Variants in B4GALT6 observed in about 807,000 individuals in gnomAD.
The protein encoded by B4GALT6 is UDP-Gal:beta-GlcNAc beta-1,4-galactosyltransferase 6.
Under a neutral mutation model 46.3 loss-of-function variants are expected in B4GALT6, and 14 were observed. That is an observed-to-expected ratio of 0.30 (90% CI 0.20 to 0.47). The LOEUF (loss-of-function observed/expected upper bound fraction) is 0.47, where lower values mean the gene tolerates loss of function less well. B4GALT6 is among the 20% of genes least tolerant of loss of function. B4GALT6 has a pLI of 0.99. For missense variants in B4GALT6, 386 were observed against 480.1 expected (o/e 0.80, Z 1.83); for synonymous variants, 168 against 162.0 (o/e 1.04, Z -0.28).
At chr18:31,677,598 G>A (rs779142373) in intron 1 of B4GALT6, among the ~76,000 whole-genome samples, 7 of 152,184 alleles carry the variant, frequency 4.6e-5, no homozygotes, top group Non-Finnish European at 5.9e-5. Flanking sequence ...CACTTGAATC[G>A]ATCTTCAACC....
intron 1 of B4GALT6, among the ~76,000 whole-genome samples, chr18:31,678,652 C>T (rs182741664): frequency 0.024 from 3,540 of 150,446 alleles, 66 homozygotes; most frequent in Non-Finnish European, 0.035. Flanking sequence ...ACAAGGCTAG[C>T]CCTACTGGCA....
chr18:31,635,995 G>T (rs1468392957), intron 5 of B4GALT6, among the ~76,000 whole-genome samples: 1 of 152,174 alleles, frequency 6.6e-6, no homozygotes, highest in Non-Finnish European at 1.5e-5. Flanking sequence ...GGAACACAGA[G>T]ACCAGAAAAA....
intron 1 of B4GALT6, among the ~76,000 whole-genome samples, chr18:31,673,287 G>C (rs2074377853): frequency 2.0e-5 from 3 of 152,052 alleles, no homozygotes; most frequent in African/African-American, 7.2e-5. Flanking sequence ...AAACAAAGGA[G>C]AGTGAAAGGA....
chr18:31,716,258 G>A, the B4GALT6 span, among the ~76,000 whole-genome samples: 1 of 152,130 alleles, frequency 6.6e-6, no homozygotes, highest in African/African-American at 2.4e-5. Flanking sequence ...GAGAAGACTA[G>A]GGATCCAGAA....
rs1447604018 is a variant in B4GALT6 at position 31,674,904 on chromosome 18, A to G, written c.116-8532T>C. 5.9e-5 allele frequency among the ~76,000 whole-genome samples: 9 copies of G among 152,362 alleles called. No homozygotes were observed. In the East Asian group the frequency reaches 1.7e-3, roughly 29 times the overall value. On this transcript the variant is annotated intron_variant, in intron 1 of 8. Transcript: ENST00000306851. ...AAAGTACTATTTGACCATGGTGACA[A>G]TAATTCAAAACCATGTATGAACTCA...
rs1471203239 is a variant in B4GALT6 at position 31,625,509 on chromosome 18, G to A, written c.*105C>T. On this transcript the variant is annotated 3_prime_UTR_variant, in exon 9 of 9. Transcript: ENST00000306851. ...CACTGTGGACTGCTGGCTCTTCTCA[G>A]AGAAAAGGGCACTGTGACACAGCCA... 2 of 1,292,868 alleles carry A rather than the reference G, an allele frequency of 1.5e-6. No homozygotes were observed. Among genetic ancestry groups the A allele is most frequent in the African/African-American group, 3.0e-5 (2 of 66,570 alleles). The allele number at this position is 1,292,868 out of a possible 1,614,324, so 80.1% of individuals were successfully genotyped here. A position where few individuals can be genotyped will look rare whatever the true frequency, so the allele number is the denominator to read the frequency against.
the B4GALT6 span, among the ~76,000 whole-genome samples, chr18:31,716,597 G>A: frequency 6.6e-6 from 1 of 152,148 alleles, no homozygotes; most frequent in South Asian, 2.1e-4. Flanking sequence ...AACCATAGAC[G>A]TAGGTTCTAA....
At chr18:31,660,271 T>C (rs180976069) in intron 2 of B4GALT6, among the ~76,000 whole-genome samples, 67 of 152,282 alleles carry the variant, frequency 4.4e-4, no homozygotes, top group African/African-American at 1.5e-3. Flanking sequence ...TATATATATC[T>C]ACATATATAC....
Position 31,635,711 on chromosome 18 carries a change from G to A in B4GALT6, c.588+2933C>T, listed in dbSNP as rs186348324. Among the ~76,000 whole-genome samples the A allele has an allele frequency of 5.8e-4, 89 of 152,200 alleles. 1 individual carries two copies. Among genetic ancestry groups the A allele is most frequent in the African/African-American group, 2.0e-3 (84 of 41,526 alleles). ...TGGGTGCCTGTAATTCCAGCTACTC[G>A]AGAGGCTGAGACAGGAGAATCGCTT... On this transcript the variant is annotated intron_variant, in intron 5 of 8. Transcript: ENST00000306851.
intron 6 of B4GALT6, among the ~76,000 whole-genome samples, chr18:31,629,615 C>T (rs763996883): frequency 1.3e-5 from 2 of 149,534 alleles, no homozygotes. Flanking sequence ...TTTGGGAGGC[C>T]GAGGCGGGTG....
chr18:31,648,721 C>T (rs1598890978), intron 3 of B4GALT6, among the ~76,000 whole-genome samples: 1 of 152,180 alleles, frequency 6.6e-6, no homozygotes, highest in East Asian at 1.9e-4. Flanking sequence ...TTTACTTTTT[C>T]TATTAAAATA....
intron 3 of B4GALT6, among the ~76,000 whole-genome samples, chr18:31,647,428 T>C (rs1356688538): frequency 2.0e-5 from 3 of 152,164 alleles, no homozygotes; most frequent in Admixed American, 1.3e-4. Context: ...ACTATCCCCA[T>C]GCCTGAGGTA....
chr18:31,670,433 A>ATGAC, intron 1 of B4GALT6, among the ~76,000 whole-genome samples: 1 of 151,880 alleles, frequency 6.6e-6, no homozygotes, highest in East Asian at 1.9e-4. Flanking sequence ...CATTAGATGA[A>ATGAC]GACCAAAATT....
intron 3 of B4GALT6, among the ~76,000 whole-genome samples, chr18:31,651,811 C>T (rs1426762908): frequency 1.3e-5 from 2 of 152,122 alleles, no homozygotes; most frequent in South Asian, 2.1e-4. Context: ...CCCTCTGTTT[C>T]CCAGGCTGAA....
In B4GALT6 at chr18:31,672,646, T is replaced by C. The variant is rs926185646; in HGVS notation, c.116-6274A>G. Among the ~76,000 whole-genome samples, 10 of 152,354 alleles carry C rather than the reference T, an allele frequency of 6.6e-5. No individual in the cohort carries two copies. In the East Asian group the frequency reaches 1.9e-3, roughly 29 times the overall value. ...AAAAAAATTCAGCATACTCTCTTTG[T>C]CAAGCATACTTTACATATACTAACC... On this transcript the variant is annotated intron_variant, in intron 1 of 8. Transcript: ENST00000306851.
chr18:31,638,843 T>C (rs1353971349), intron 4 of B4GALT6, 83 bp from the exon 5 acceptor site: 1 of 1,178,994 alleles, frequency 8.5e-7, no homozygotes, highest in East Asian at 2.4e-5. Context: ...CCTTGAAAAC[T>C]TCTGATGGTT....
At chr18:31,635,254 A>C (rs180960008) in intron 5 of B4GALT6, among the ~76,000 whole-genome samples, 133 of 152,010 alleles carry the variant, frequency 8.7e-4, no homozygotes, top group Admixed American at 2.6e-3. Context: ...AACAAAAAAA[A>C]AAAAAACCAG....
At position 31,623,286 on chromosome 18, in the gene B4GALT6, A is replaced by C. The variant is rs1303911467; in HGVS notation, c.*2328T>G. ...TATTAAGTTCACTGTTTATAGGCAA[A>C]AATAATTTTAGGTCTACACTAAAAA... On this transcript the variant is annotated 3_prime_UTR_variant, in exon 9 of 9. Transcript: ENST00000306851. The C allele has an allele frequency of 6.6e-6, 1 of 152,248 alleles. No homozygotes were observed. Among genetic ancestry groups the C allele is most frequent in the African/African-American group, 2.4e-5 (1 of 41,440 alleles). The allele number at this position is 152,248 out of a possible 1,614,324, so 9.4% of individuals were successfully genotyped here.
At chr18:31,683,246 G>A (rs1598938464) in intron 1 of B4GALT6, among the ~76,000 whole-genome samples, 1 of 152,148 alleles carries the variant, frequency 6.6e-6, no homozygotes, top group Non-Finnish European at 1.5e-5. Context: ...TCAAGACAAT[G>A]CCCTGATCAT....
Sources: gnomAD v4.1 joint callset for allele counts (sites outside exome capture counted in the v4.1 genomes callset) on GRCh38, gnomAD v4.1.1 for gene constraint, MANE v1.5 for transcripts, NCBI Gene and HGNC (gene_info 2026-07-23, HGNC 2026-07-21) for gene names.